Variants in CTNNA2 observed in about 807,000 individuals in gnomAD.
The protein encoded by CTNNA2 is catenin alpha 2, also known as catenin alpha-2.
A neutral mutation model predicts 101.0 loss-of-function variants in CTNNA2; 42 were observed. The ratio of observed to expected loss-of-function variants is 0.42; its 90% CI spans 0.32 to 0.54. CTNNA2 has a LOEUF of 0.54. Among genes scored for constraint, CTNNA2 ranks in the 20% least tolerant of loss-of-function variants. The pLI is 0.14. For synonymous variants in CTNNA2, 450 were observed against 456.4 expected (o/e 0.99, Z 0.18); for missense variants, 871 against 1,223.1 (o/e 0.71, Z 4.29).
chr2:80,164,991 G>A (rs1704578907), intron 7 of CTNNA2, among the ~76,000 whole-genome samples: 1 of 144,688 alleles, frequency 6.9e-6, no homozygotes, highest in South Asian at 2.1e-4. Context: ...TTAATTTTCG[G>A]AAGTGTAAAA....
intron 2 of CTNNA2, among the ~76,000 whole-genome samples, chr2:79,302,099 C>CAAATAAAT (rs202007518): frequency 1.3e-5 from 2 of 151,464 alleles, no homozygotes; most frequent in Admixed American, 6.6e-5. Context: ...TCTCAATAAA[C>CAAATAAAT]AAATAAATAA....
intron 18 of CTNNA2, among the ~76,000 whole-genome samples, chr2:80,621,155 C>G (rs939762667): frequency 1.3e-5 from 2 of 151,820 alleles, no homozygotes; most frequent in Non-Finnish European, 2.9e-5. Flanking sequence ...TTACTTAGAT[C>G]TCTCGGGCCT....
At chr2:79,615,757 G>A (rs977824100) in intron 1 of CTNNA2, among the ~76,000 whole-genome samples, 2 of 152,160 alleles carry the variant, frequency 1.3e-5, no homozygotes, top group Admixed American at 6.5e-5. Flanking sequence ...TCCTGTCACA[G>A]CACTGATGAG....
At chr2:79,857,486 G>A (rs1322382029) in intron 3 of CTNNA2, among the ~76,000 whole-genome samples, 1 of 152,134 alleles carries the variant, frequency 6.6e-6, no homozygotes, top group Admixed American at 6.5e-5. Context: ...TTCTATATTG[G>A]CAAATTGGTT....
chr2:79,945,639 T>C (rs944651050), intron 7 of CTNNA2, among the ~76,000 whole-genome samples: 3 of 152,346 alleles, frequency 2.0e-5, no homozygotes, highest in Non-Finnish European at 2.9e-5. Flanking sequence ...TTTTGACTTA[T>C]TGGTTAAATT....
intron 1 of CTNNA2, among the ~76,000 whole-genome samples, chr2:79,620,239 A>C (rs534404709): frequency 6.6e-6 from 1 of 152,270 alleles, no homozygotes; most frequent in African/African-American, 2.4e-5. Flanking sequence ...CCAGCTCTCC[A>C]ACTGCCCTTC....
intron 3 of CTNNA2, among the ~76,000 whole-genome samples, chr2:79,761,866 A>G (rs1672811838): frequency 6.6e-6 from 1 of 152,200 alleles, no homozygotes; most frequent in Admixed American, 6.5e-5. Context: ...GGTAGCAGTC[A>G]TCTGCAATAT....
chr2:80,036,570 A>G (rs1695663861), intron 7 of CTNNA2, among the ~76,000 whole-genome samples: 1 of 152,178 alleles, frequency 6.6e-6, no homozygotes, highest in Non-Finnish European at 1.5e-5. Flanking sequence ...GCACCACTGT[A>G]CTTTAGCCTG....
intron 7 of CTNNA2, among the ~76,000 whole-genome samples, chr2:80,379,251 A>G (rs1291484864): frequency 6.6e-6 from 1 of 152,164 alleles, no homozygotes; most frequent in Non-Finnish European, 1.5e-5. Flanking sequence ...ATGCCTTAGT[A>G]AGATCAGCAG....
chr2:79,216,784 G>T (rs75932120), intron 2 of CTNNA2, among the ~76,000 whole-genome samples: 2 of 150,814 alleles, frequency 1.3e-5, no homozygotes, highest in Non-Finnish European at 3.0e-5. Flanking sequence ...CCCCAGAAAA[G>T]CAGAGAAGGG....
intron 7 of CTNNA2, among the ~76,000 whole-genome samples, chr2:80,010,445 A>T (rs774513829): frequency 5.9e-4 from 90 of 152,026 alleles, no homozygotes; most frequent in Non-Finnish European, 1.1e-3. Context: ...AGCCGGGACT[A>T]CAGGCACGTG....
At chr2:79,488,852 C>A (rs1256340336) in intron 4 of CTNNA2, among the ~76,000 whole-genome samples, 1 of 152,182 alleles carries the variant, frequency 6.6e-6, no homozygotes, top group Non-Finnish European at 1.5e-5. Flanking sequence ...GCCTACATTT[C>A]CAAAAGTAAG....
chr2:79,930,430 T>G (rs531577030), intron 7 of CTNNA2, among the ~76,000 whole-genome samples: 1 of 152,270 alleles, frequency 6.6e-6, no homozygotes, highest in East Asian at 1.9e-4. Flanking sequence ...AGAGCAACCT[T>G]AGGTTCTCTT....
intron 7 of CTNNA2, among the ~76,000 whole-genome samples, chr2:79,976,333 C>T (rs1298397399): frequency 6.6e-6 from 1 of 152,172 alleles, no homozygotes; most frequent in Non-Finnish European, 1.5e-5. Flanking sequence ...CGGATTGTGA[C>T]TGAATAAGAC....
chr2:79,707,216 C>A (rs1168123051), intron 2 of CTNNA2, among the ~76,000 whole-genome samples: 1 of 152,100 alleles, frequency 6.6e-6, no homozygotes, highest in East Asian at 1.9e-4. Flanking sequence ...GATTTCAGAC[C>A]CACTGGTACC....
Position 80,090,160 on chromosome 2 carries a change from G to C in CTNNA2, c.1056+180363G>C, listed in dbSNP as rs969494358. On this transcript the variant is annotated intron_variant, in intron 7 of 18. Coordinates refer to ENST00000402739, the MANE Select transcript of CTNNA2 (RefSeq NM_001282597.3). ...TCTCTCTCTCTCTGTGTGTGTGTGT[G>C]TGTGTGTGTGTGTGTGTGTGTGTGT... 2.6e-3 allele frequency among the ~76,000 whole-genome samples: 222 copies of C among 84,108 alleles called. 1 individual carries two copies. Among genetic ancestry groups the C allele is most frequent in the South Asian group, 8.5e-3 (19 of 2,240 alleles). 55.2% of individuals were successfully genotyped at this position (84,108 alleles called of 152,430 possible).
chr2:79,263,891 C>T (rs2104290287), intron 2 of CTNNA2, among the ~76,000 whole-genome samples: 1 of 152,198 alleles, frequency 6.6e-6, no homozygotes, highest in East Asian at 1.9e-4. Context: ...CTGTGGTATT[C>T]TATTATAGAA....
At chr2:79,919,321 T>C (rs1686491423) in intron 7 of CTNNA2, among the ~76,000 whole-genome samples, 1 of 152,132 alleles carries the variant, frequency 6.6e-6, no homozygotes, top group South Asian at 2.1e-4. Flanking sequence ...ATCTGCCAAA[T>C]GAAAGAGGAG....
intron 3 of CTNNA2, among the ~76,000 whole-genome samples, chr2:79,745,432 T>TAA (rs544153701): frequency 2.1e-4 from 31 of 146,276 alleles, no homozygotes; most frequent in African/African-American, 7.3e-4. Flanking sequence ...CTCCATCTCT[T>TAA]AAAAAAAAAA....
Sources: allele counts gnomAD v4.1 joint callset (sites outside exome capture counted in the v4.1 genomes callset), GRCh38; gene constraint gnomAD v4.1.1; transcripts MANE v1.5; gene names NCBI Gene and HGNC (gene_info 2026-07-23, HGNC 2026-07-21).